PDE7B: variants seen among roughly 807,000 people sequenced by gnomAD.
PDE7B encodes the protein 3',5'-cyclic-AMP phosphodiesterase 7B.
PDE7B carries 29 observed loss-of-function variants against 56.2 expected under a neutral mutation model. That is an observed-to-expected ratio of 0.52 (90% CI 0.38 to 0.70). The LOEUF (loss-of-function observed/expected upper bound fraction) is 0.70. PDE7B is among the 30% of genes least tolerant of loss of function. The pLI, the probability that PDE7B is intolerant of heterozygous loss-of-function variation, is 0.00. For synonymous variants in PDE7B, 197 were observed against 196.9 expected (o/e 1.00, Z 0.00); for missense variants, 490 against 565.0 (o/e 0.87, Z 1.35).
chr6:135,895,706 C>A (rs192773556), intron 1 of PDE7B, among the ~76,000 whole-genome samples: 1 of 152,198 alleles, frequency 6.6e-6, no homozygotes, highest in African/African-American at 2.4e-5. Flanking sequence ...AAGGACCAAG[C>A]AGAGCTTTCT....
intron 2 of PDE7B, among the ~76,000 whole-genome samples, chr6:136,021,065 T>C (rs1776062013): frequency 6.6e-6 from 1 of 152,188 alleles, no homozygotes; most frequent in Non-Finnish European, 1.5e-5. Flanking sequence ...TGAGATAAGA[T>C]TGATCTGGCA....
At chr6:136,005,447 C>T (rs576573399) in intron 2 of PDE7B, among the ~76,000 whole-genome samples, 22 of 152,066 alleles carry the variant, frequency 1.4e-4, no homozygotes, top group African/African-American at 4.8e-4. Context: ...ATTTTCACAA[C>T]CTACTCATCT....
At chr6:135,967,643 G>T (rs893081590) in intron 2 of PDE7B, among the ~76,000 whole-genome samples, 5 of 152,174 alleles carry the variant, frequency 3.3e-5, no homozygotes, top group African/African-American at 1.2e-4. Flanking sequence ...ATTTCCTGAT[G>T]AATTCTTTAG....
intron 2 of PDE7B, among the ~76,000 whole-genome samples, chr6:136,017,176 AT>A (rs1046610320): frequency 2.0e-5 from 3 of 152,226 alleles, no homozygotes. Flanking sequence ...TATATTACAC[AT>A]TCATAGAACT....
chr6:135,873,571 A>G (rs1429793575), intron 1 of PDE7B, among the ~76,000 whole-genome samples: 2 of 152,132 alleles, frequency 1.3e-5, no homozygotes, highest in African/African-American at 4.8e-5. Flanking sequence ...CAATAGTAGA[A>G]TTTACTGAAT....
In PDE7B at chr6:136,191,916, C is replaced by G. The variant is rs570413732; in HGVS notation, c.*76C>G. The G allele has an allele frequency of 1.2e-5, 13 of 1,087,762 alleles. No homozygotes were observed. Among genetic ancestry groups the G allele is most frequent in the Non-Finnish European group, 1.7e-5 (13 of 746,346 alleles). 67.4% of individuals were successfully genotyped at this position (1,087,762 alleles called of 1,614,324 possible). A position where few individuals can be genotyped will look rare whatever the true frequency, so the allele number is the denominator to read the frequency against. On this transcript the variant is annotated 3_prime_UTR_variant, in exon 13 of 13. Coordinates refer to ENST00000308191, the MANE Select transcript of PDE7B (RefSeq NM_018945.4). ...CAGAAGCAGCGTGGAGGGGCCCTCA[C>G]GCAGCAGCCCAGCCACTTTCTGAGT... is the stretch of plus-strand genomic sequence containing the variant.
At chr6:136,066,952 C>T (rs1009068870) in intron 2 of PDE7B, among the ~76,000 whole-genome samples, 21 of 151,766 alleles carry the variant, frequency 1.4e-4, no homozygotes, top group African/African-American at 4.1e-4. Context: ...AACTCCTGGC[C>T]GCAAGTGATC....
At chr6:136,036,795 G>A (rs954242819) in intron 2 of PDE7B, among the ~76,000 whole-genome samples, 1 of 152,208 alleles carries the variant, frequency 6.6e-6, no homozygotes, top group Non-Finnish European at 1.5e-5. Flanking sequence ...ATGTGGAGAC[G>A]TGAAGAGAGG....
At chr6:136,056,923 TC>T (rs1389810423) in intron 2 of PDE7B, among the ~76,000 whole-genome samples, 1 of 152,150 alleles carries the variant, frequency 6.6e-6, no homozygotes, top group African/African-American at 2.4e-5. Context: ...CCTAAGCCCC[TC>T]CCCTTTGGCC....
intron 1 of PDE7B, among the ~76,000 whole-genome samples, chr6:135,921,745 T>C (rs1245583668): frequency 6.6e-6 from 1 of 152,126 alleles, no homozygotes; most frequent in African/African-American, 2.4e-5. Context: ...TCATAGCTAT[T>C]GGGTAGGTTG....
chr6:135,915,858 A>G (rs1178785766), intron 1 of PDE7B, among the ~76,000 whole-genome samples: 2 of 152,214 alleles, frequency 1.3e-5, no homozygotes, highest in African/African-American at 4.8e-5. Context: ...TCTGATGGTC[A>G]TCTGAGCTGC....
At chr6:136,136,465 G>A (rs1436786606) in intron 3 of PDE7B, among the ~76,000 whole-genome samples, 1 of 151,930 alleles carries the variant, frequency 6.6e-6, no homozygotes, top group Admixed American at 6.6e-5. Context: ...ACCACACGAG[G>A]CACAACTGAG....
intron 2 of PDE7B, among the ~76,000 whole-genome samples, chr6:136,089,783 G>A (rs184029405): frequency 9.8e-5 from 15 of 152,296 alleles, no homozygotes; most frequent in African/African-American, 3.1e-4. Context: ...CCAGTTATTG[G>A]TCATAATTAG....
intron 12 of PDE7B, among the ~76,000 whole-genome samples, chr6:136,191,033 T>TTTTTTTTTTTTTG (rs1779214923): frequency 6.7e-6 from 1 of 149,034 alleles, no homozygotes; most frequent in African/African-American, 2.6e-5. Flanking sequence ...TTTTTTTTTT[T>TTTTTTTTTTTTTG]TTTTACTTAT....
intron 3 of PDE7B, among the ~76,000 whole-genome samples, chr6:136,125,292 G>T (rs998381492): frequency 6.6e-6 from 1 of 151,960 alleles, no homozygotes; most frequent in Non-Finnish European, 1.5e-5. Flanking sequence ...TGTAAGTAAG[G>T]GCCCGGGCAT....
chr6:136,006,606 C>A (rs9389356), intron 2 of PDE7B, among the ~76,000 whole-genome samples: 3 of 151,706 alleles, frequency 2.0e-5, no homozygotes, highest in Admixed American at 6.6e-5. Context: ...TTTGTAATTC[C>A]CATTGTAGAG....
chr6:136,174,746 A>G (rs1193271872), intron 9 of PDE7B, among the ~76,000 whole-genome samples: 1 of 152,158 alleles, frequency 6.6e-6, no homozygotes, highest in African/African-American at 2.4e-5. Context: ...CTCTGATTTG[A>G]TCTCATGCTG....
intron 2 of PDE7B, among the ~76,000 whole-genome samples, chr6:136,004,429 G>A (rs1485927288): frequency 6.6e-6 from 1 of 152,078 alleles, no homozygotes; most frequent in Non-Finnish European, 1.5e-5. Context: ...GTTTGCAGAT[G>A]ACATGATTGT....
intron 1 of PDE7B, among the ~76,000 whole-genome samples, chr6:135,871,324 C>T (rs1025111754): frequency 6.6e-6 from 1 of 152,148 alleles, no homozygotes. Context: ...ATTTGATTCC[C>T]AGTCAGCCCA....
Sources: allele counts gnomAD v4.1 joint callset (sites outside exome capture counted in the v4.1 genomes callset), GRCh38; gene constraint gnomAD v4.1.1; transcripts MANE v1.5; gene names NCBI Gene and HGNC (gene_info 2026-07-23, HGNC 2026-07-21).